The following FBXO21 variants were observed in gnomAD, a reference collection of about 807,000 sequenced individuals.
FBXO21 encodes the protein F-box protein 21, also known as F-box only protein 21.
FBXO21 carries 32 observed loss-of-function variants against 76.6 expected under a neutral mutation model. The observed-to-expected ratio is 0.42, with a 90% confidence interval of 0.32 to 0.56. FBXO21 has a LOEUF of 0.56. Among genes scored for constraint, FBXO21 ranks in the 20% least tolerant of loss-of-function variants. The pLI, the probability that FBXO21 is intolerant of heterozygous loss-of-function variation, is 0.16. For missense variants in FBXO21, 586 were observed against 797.3 expected (o/e 0.73, Z 3.19); for synonymous variants, 328 against 311.5 (o/e 1.05, Z -0.56).
At chr12:117,152,549 A>G (rs560645844) in intron 11 of FBXO21, among the ~76,000 whole-genome samples, 4 of 151,358 alleles carry the variant, frequency 2.6e-5, no homozygotes, top group African/African-American at 9.6e-5. Flanking sequence ...AAAAATGAAG[A>G]ATGAGGAACT....
chr12:117,154,982 G>C (rs1325346763), intron 11 of FBXO21: 1 of 151,852 alleles, frequency 6.6e-6, no homozygotes, highest in Non-Finnish European at 1.5e-5. Context: ...CCTAGAAAAT[G>C]ATGATGATGA....
intron 9 of FBXO21, among the ~76,000 whole-genome samples, chr12:117,159,143 C>T (rs1033898483): frequency 2.0e-5 from 3 of 152,116 alleles, no homozygotes; most frequent in Non-Finnish European, 2.9e-5. Context: ...TTTTATGCAC[C>T]ATGTTATTAT....
intron 7 of FBXO21, among the ~76,000 whole-genome samples, chr12:117,167,689 C>T (rs1248476337): frequency 6.7e-6 from 1 of 149,752 alleles, no homozygotes; most frequent in Non-Finnish European, 1.5e-5. Context: ...TGCAGTTAGC[C>T]AAGATCACGC....
At chr12:117,157,760 A>G in intron 10 of FBXO21, 113 bp downstream of exon 10, 2 of 879,882 alleles carry the variant, frequency 2.3e-6, no homozygotes, top group Non-Finnish European at 1.7e-6. Flanking sequence ...TCGGGGGATA[A>G]GTGATCCAGT....
At chr12:117,165,678 T>C in intron 8 of FBXO21, 61 bp from the exon 9 acceptor site, 1 of 1,483,784 alleles carries the variant, frequency 6.7e-7, no homozygotes, top group East Asian at 2.3e-5. Flanking sequence ...AGACTCTCTT[T>C]TTCAAGGCCC....
At chr12:117,150,902 T>C (rs1253080015) in intron 11 of FBXO21, among the ~76,000 whole-genome samples, 2 of 147,562 alleles carry the variant, frequency 1.4e-5, no homozygotes, top group Non-Finnish European at 3.0e-5. Flanking sequence ...TGTGTGTGTG[T>C]CAGGCGGGAG....
intron 11 of FBXO21, among the ~76,000 whole-genome samples, chr12:117,153,315 CT>C (rs1955867005): frequency 6.6e-6 from 1 of 152,074 alleles, no homozygotes; most frequent in African/African-American, 2.4e-5. Flanking sequence ...CGTGGTGTCA[CT>C]AGTGAGATGG....
Position 117,157,906 on chromosome 12 carries a change from C to A in FBXO21, c.1484G>T (p.Cys495Phe). The A allele has an allele frequency of 6.2e-7, 1 of 1,612,896 alleles. No individual in the cohort carries two copies. Among genetic ancestry groups the A allele is most frequent in the Non-Finnish European group, 8.5e-7 (1 of 1,179,118 alleles). ...LRSDEKHRDV[C>F]YSIGLIMKHK... ...CTTCATAATGAGCCCGATGGAGTAG[C>A]AGACATCTCTGTGCTTCTCATCGGA... is the stretch of plus-strand genomic sequence containing the variant. Residue 495 changes from cysteine to phenylalanine, a missense_variant, in exon 10 of 12, where the codon TGC becomes TTC. Coordinates refer to ENST00000622495, the MANE Select transcript of FBXO21 (RefSeq NM_015002.3).
chr12:117,186,496 T>C lies in FBXO21; in HGVS notation c.451A>G (p.Ile151Val), dbSNP rs751661110. 6.2e-6 allele frequency: 10 copies of C among 1,611,962 alleles called. No individual in the cohort carries two copies. Among genetic ancestry groups the C allele is most frequent in the Non-Finnish European group, 8.5e-6 (10 of 1,178,468 alleles). The stretch of plus-strand genomic sequence containing the variant: ...GCTTACCTTCCTTCCATATTTAGGA[T>C]ACACACCAGTTCATCCTCAAAAAAA... ...EIFFEDELVC[I>V]LNMEGRKALT... The change falls in exon 3 of 12, where the codon ATC becomes GTC. Residue 151 changes from isoleucine to valine, a missense_variant. Transcript: ENST00000622495.
chr12:117,180,621 T>G lies in FBXO21; in HGVS notation c.471-2980A>C, dbSNP rs1242660261. Among the ~76,000 whole-genome samples, 7 of 152,242 alleles carry G rather than the reference T, an allele frequency of 4.6e-5. No homozygotes were observed. In the East Asian group the frequency reaches 1.2e-3, roughly 25 times the overall value. ...GCCCTCAGAATAACAAGACTAATGT[T>G]TTCATCACTTTTTTTTTTCTTTTGA... On this transcript the variant is annotated intron_variant, in intron 3 of 11. Transcript: ENST00000622495.
At chr12:117,172,646 C>CT (rs1555241794) in intron 6 of FBXO21, 39 bp from the exon 7 acceptor site, 5 of 1,592,736 alleles carry the variant, frequency 3.1e-6, no homozygotes, top group Middle Eastern at 1.7e-4. Flanking sequence ...CTGGGATGAA[C>CT]TATACGTTCT....
chr12:117,182,386 A>G (rs764721762), intron 3 of FBXO21, among the ~76,000 whole-genome samples: 3 of 152,012 alleles, frequency 2.0e-5, no homozygotes, highest in Non-Finnish European at 4.4e-5. Flanking sequence ...GCTACTCAGG[A>G]GGCTGAGGCC....
Position 117,177,649 on chromosome 12 carries a change from CAA to C in FBXO21, c.471-10_471-9del. Reference sequence around the variant, plus strand: ...TTCCAGGTCAAAGCTTTTCTGGAAACAAAAAGTCAGTAAGAATTAAGATTTGA... The same window carrying C: ...TTCCAGGTCAAAGCTTTTCTGGAAACAAAGTCAGTAAGAATTAAGATTTGA... On this transcript the variant is annotated splice_polypyrimidine_tract_variant and intron_variant, in intron 3 of 11. Transcript: ENST00000622495. 7 of 1,609,782 alleles carry C rather than the reference CAA, an allele frequency of 4.3e-6. No individual in the cohort carries two copies. Among genetic ancestry groups the C allele is most frequent in the South Asian group, 1.1e-5 (1 of 90,408 alleles).
intron 11 of FBXO21, among the ~76,000 whole-genome samples, chr12:117,149,587 T>C (rs1955816065): frequency 6.6e-6 from 1 of 152,206 alleles, no homozygotes; most frequent in Admixed American, 6.5e-5. Flanking sequence ...TGCTGCCAGC[T>C]TGCAGTGGGT....
chr12:117,189,976 A>AC (rs1335423324), intron 1 of FBXO21, among the ~76,000 whole-genome samples: 1 of 151,870 alleles, frequency 6.6e-6, no homozygotes, highest in Non-Finnish European at 1.5e-5. Flanking sequence ...CGCCAGCGTC[A>AC]CCCTTGACGG....
rs549189684 is a variant in FBXO21 at position 117,148,360 on chromosome 12, G to A, written c.1676-2083C>T. On this transcript the variant is annotated intron_variant, in intron 11 of 11. Coordinates refer to ENST00000622495, the MANE Select transcript of FBXO21 (RefSeq NM_015002.3). ...AGTACTTATGCTAGGAAAACTGGAA[G>A]AGCAGTGTAAACGTCCAAGTGTAGG... Among the ~76,000 whole-genome samples, 4 of 152,368 alleles carry A rather than the reference G, an allele frequency of 2.6e-5. No individual in the cohort carries two copies. In the East Asian group the frequency reaches 7.7e-4, roughly 29 times the overall value.
rs550767299 is a variant in FBXO21, at chr12:117,157,966, T to C, written c.1424A>G (p.Lys475Arg). The C allele has an allele frequency of 3.8e-5, 62 of 1,614,212 alleles. 2 individuals carry two copies. In the South Asian group the frequency reaches 4.9e-4, roughly 13 times the overall value. Residue 475 changes from lysine to arginine, a missense_variant, in exon 10 of 12, where the codon AAA becomes AGA. By Grantham distance (26) the Lys-to-Arg change is conservative (BLOSUM62 2). Transcript: ENST00000622495. ...CACCTCTACGCCCACCTCCTCCTTT[T>C]TGCGCTCAATGTGCTCTAGAGTGTG... ...VQHTLEHIER[K>R]KEEVGVEVKL... is the part of the protein sequence containing the mutation.
chr12:117,186,436 C>T, intron 3 of FBXO21, 41 bp downstream of exon 3: 1 of 1,326,738 alleles, frequency 7.5e-7, no homozygotes. Context: ...TTACTCTGGA[C>T]TTATTAAAGC....
chr12:117,183,168 T>G (rs1390074264), intron 3 of FBXO21, among the ~76,000 whole-genome samples: 1 of 145,506 alleles, frequency 6.9e-6, no homozygotes, highest in Non-Finnish European at 1.5e-5. Flanking sequence ...CTAAAAACAC[T>G]ATAATATATG....
Sources: allele counts gnomAD v4.1 joint callset (sites outside exome capture counted in the v4.1 genomes callset), GRCh38; gene constraint gnomAD v4.1.1; transcripts MANE v1.5; gene names NCBI Gene and HGNC (gene_info 2026-07-23, HGNC 2026-07-21).